The following MEX3D variants were observed in gnomAD, a reference collection of about 807,000 sequenced individuals.
The protein encoded by MEX3D is mex-3 RNA binding family member D.
In MEX3D, 4 loss-of-function variants were observed where a neutral mutation model predicts 6.3. The ratio of observed to expected loss-of-function variants is 0.64; its 90% CI spans 0.31 to 1.46. MEX3D has a LOEUF of 1.46. Among genes scored for constraint, MEX3D ranks in the 40% most tolerant of loss-of-function variants. MEX3D has a pLI of 0.07. For synonymous variants in MEX3D, 626 were observed against 494.1 expected (o/e 1.27, Z -3.54); for missense variants, 1,038 against 994.4 (o/e 1.04, Z -0.59).
Position 1,556,316 on chromosome 19 carries a change from G to A in MEX3D, c.1203C>T (p.Ala401=). 2 of 1,323,020 alleles carry A rather than the reference G, an allele frequency of 1.5e-6. No homozygotes were observed. The highest frequency in any genetic ancestry group is 1.9e-6 in the Non-Finnish European group (2 of 1,041,566). 82.0% of individuals were successfully genotyped at this position (1,323,020 alleles called of 1,614,324 possible). A position where few individuals can be genotyped will look rare whatever the true frequency, so the allele number is the denominator to read the frequency against. ...RGDTALGAPS[A]PEAFYAGSRG... is the part of the protein sequence containing the mutation. ...GGCTGCCCGCGTAGAAGGCCTCGGG[G>A]GCGCTGGGGGCGCCCAGGGCCGTGT... The change falls in exon 2 of 2, where the codon GCC becomes GCT. Residue 401 remains alanine (A), a synonymous_variant. Coordinates refer to ENST00000402693, the MANE Select transcript of MEX3D (RefSeq NM_203304.4). The surrounding 1 kb of genome is among the most constrained non-coding windows in gnomAD (Gnocchi z 7.5).
In MEX3D at chr19:1,567,449, A is replaced by G; in HGVS notation, c.595+15T>C. The G allele has an allele frequency of 6.4e-7, 1 of 1,558,666 alleles. No homozygotes were observed. Among genetic ancestry groups the G allele is most frequent in the South Asian group, 1.2e-5 (1 of 86,718 alleles). On this transcript the variant is annotated intron_variant, in intron 1 of 1. Coordinates refer to ENST00000402693, the MANE Select transcript of MEX3D (RefSeq NM_203304.4). This position sits in a 1 kb window ranked among gnomAD's most constrained non-coding sequence, Gnocchi z 6.5. ...GGGACCCCCAGGACAGCAACCCCCG[A>G]CGAGGGCCACTCACCCTGGCGACCC...
At chr19:1,565,872 G>A (rs1357060082) in intron 1 of MEX3D, among the ~76,000 whole-genome samples, 1 of 152,204 alleles carries the variant, frequency 6.6e-6, no homozygotes, top group African/African-American at 2.4e-5. Flanking sequence ...TCAGCCTGAC[G>A]CTGATTCCTG....
chr19:1,555,695 C>T lies in MEX3D; in HGVS notation c.1824G>A (p.Val608=), dbSNP rs1005278505. 6.4e-7 allele frequency: 1 copy of T among 1,564,066 alleles called. No individual in the cohort carries two copies. The highest frequency in any genetic ancestry group is 8.6e-7 in the Non-Finnish European group (1 of 1,159,618). Residue 608 remains valine, a synonymous_variant, in exon 2 of 2, where the codon GTG becomes GTA. Transcript: ENST00000402693. ...GGCCGCAGGGGACCAGCGCAGCCAT[C>T]ACCTCGCCCTCGGCGCACACCACGC... ...RECVVCAEGE[V]MAALVPCGHN...
rs1914542195 is a variant in MEX3D, at chr19:1,556,133, C to T, written c.1386G>A (p.Leu462=). ...DFGFDFDFLA[L]DLTVPAAATI... is the part of the protein sequence containing the mutation. ...TGGCCGCGGCGGGCACGGTCAGGTCCAGCGCCAGGAAGTCGAAGTCGAAGC... is the reference window on the plus strand; with the variant it reads ...TGGCCGCGGCGGGCACGGTCAGGTCTAGCGCCAGGAAGTCGAAGTCGAAGC... The change falls in exon 2 of 2, where the codon CTG becomes CTA. Residue 462 remains leucine (L), a synonymous_variant. Coordinates refer to ENST00000402693, the MANE Select transcript of MEX3D (RefSeq NM_203304.4). This position sits in a 1 kb window ranked among gnomAD's most constrained non-coding sequence, Gnocchi z 7.5. The T allele has an allele frequency of 1.4e-6, 2 of 1,472,448 alleles. No homozygotes were observed. Among genetic ancestry groups the T allele is most frequent in the East Asian group, 3.0e-5 (1 of 33,136 alleles). 91.2% of individuals were successfully genotyped at this position (1,472,448 alleles called of 1,614,324 possible).
In MEX3D at chr19:1,568,070, G is replaced by C; in HGVS notation, c.-12C>G. On this transcript the variant is annotated 5_prime_UTR_variant, in exon 1 of 2. Coordinates refer to ENST00000402693, the MANE Select transcript of MEX3D (RefSeq NM_203304.4). ...AGCGAGCTGGGCATGGCGGGAGCTA[G>C]CGCTGGGGCCCGCGCTCCTGCCGCC... is the stretch of plus-strand genomic sequence containing the variant. The C allele has an allele frequency of 4.1e-6, 4 of 978,390 alleles. No individual in the cohort carries two copies. Among genetic ancestry groups the C allele is most frequent in the Non-Finnish European group, 4.8e-6 (4 of 827,638 alleles). The allele number at this position is 978,390 out of a possible 1,614,324, so 60.6% of individuals were successfully genotyped here.
rs138530483 is a variant in MEX3D at position 1,560,478 on chromosome 19, C to T, written c.596-3555G>A. Among the ~76,000 whole-genome samples the T allele has an allele frequency of 3.4e-3, 525 of 152,332 alleles. 1 individual carries two copies. The highest frequency in any genetic ancestry group is 6.8e-3 in the Middle Eastern group (2 of 294). ...GGTCCTCCCTTGCTGATCTGGGAGC[C>T]GCCCCGGGTCCCCAGAGGGTCACAC... On this transcript the variant is annotated intron_variant, in intron 1 of 1. Transcript: ENST00000402693.
chr19:1,557,002 G>C (rs1274152468), intron 1 of MEX3D, 79 bp from the exon 2 acceptor site: 53 of 1,478,542 alleles, frequency 3.6e-5, no homozygotes, highest in Non-Finnish European at 4.6e-5. Context: ...GCAGGCTGCA[G>C]GGCCAGTGAG....
In MEX3D at chr19:1,556,486, A is replaced by C; in HGVS notation, c.1033T>G (p.Phe345Val). 6.2e-7 allele frequency: 1 copy of C among 1,603,526 alleles called. No homozygotes were observed. The highest frequency in any genetic ancestry group is 8.5e-7 in the Non-Finnish European group (1 of 1,177,988). ...EAHITLRTGAFTDAGPDSDFH... is the reference protein window; with the variant it reads ...EAHITLRTGAVTDAGPDSDFH... ...TCGCTGTCGGGGCCCGCGTCGGTGA[A>C]GGCGCCAGTGCGCAGCGTGATGTGC... Residue 345 changes from phenylalanine to valine, a missense_variant, in exon 2 of 2, where the codon TTC becomes GTC. Coordinates refer to ENST00000402693, the MANE Select transcript of MEX3D (RefSeq NM_203304.4). The surrounding 1 kb of genome is among the most constrained non-coding windows in gnomAD (Gnocchi z 7.5).
chr19:1,559,413 G>C (rs974305168), intron 1 of MEX3D, among the ~76,000 whole-genome samples: 1 of 152,162 alleles, frequency 6.6e-6, no homozygotes, highest in Non-Finnish European at 1.5e-5. Context: ...GATTACAGGC[G>C]TGAGCCACCA....
Position 1,556,183 on chromosome 19 carries a change from C to A in MEX3D, c.1336G>T (p.Ala446Ser). The stretch of plus-strand genomic sequence containing the variant: ...CCGAAGTCGCAGTCGTCGGGGGCGG[C>A]CGTCCCCACCGGGGCACCGGGACCC... ...AEGPGAPVGTAAPDDCDFGFD... is the reference protein window; with the variant it reads ...AEGPGAPVGTSAPDDCDFGFD... Residue 446 changes from alanine to serine, a missense_variant, in exon 2 of 2, where the codon GCC becomes TCC. Around this residue, in one of 5 missense-constraint regions of MEX3D, gnomAD observed 581 missense variants for 516.2 expected, o/e 1.13. Coordinates refer to ENST00000402693, the MANE Select transcript of MEX3D (RefSeq NM_203304.4). The surrounding 1 kb of genome is among the most constrained non-coding windows in gnomAD (Gnocchi z 7.5). The A allele has an allele frequency of 6.9e-7, 1 of 1,457,568 alleles. No homozygotes were observed. The highest frequency in any genetic ancestry group is 2.2e-5 in the Admixed American group (1 of 45,242). The allele number at this position is 1,457,568 out of a possible 1,614,324, so 90.3% of individuals were successfully genotyped here.
intron 1 of MEX3D, among the ~76,000 whole-genome samples, chr19:1,557,564 T>C (rs1385216578): frequency 9.0e-6 from 1 of 110,824 alleles, no homozygotes; most frequent in Non-Finnish European, 1.9e-5. Context: ...AGACTCCAAC[T>C]AAAAAAAAAA....
intron 1 of MEX3D, among the ~76,000 whole-genome samples, chr19:1,565,851 T>G (rs1235005223): frequency 1.3e-5 from 2 of 152,084 alleles, no homozygotes; most frequent in Non-Finnish European, 2.9e-5. Context: ...AGGCCACAGG[T>G]CTAGAAGCTC....
In MEX3D at chr19:1,567,709, G is replaced by C; in HGVS notation, c.350C>G (p.Pro117Arg). ...PEAGAPPTLAPAVAPGSLPLL... is the reference protein window; with the variant it reads ...PEAGAPPTLARAVAPGSLPLL... Reference sequence around the variant, plus strand: ...CGGCAGCGACCCGGGGGCCACGGCGGGGGCCAGGGTCGGGGGCGCGCCGGC... The same window carrying C: ...CGGCAGCGACCCGGGGGCCACGGCGCGGGCCAGGGTCGGGGGCGCGCCGGC... The change falls in exon 1 of 2, where the codon CCC (proline) becomes CGC (arginine). Residue 117 changes from proline (P) to arginine (R), a missense_variant. This residue lies in a region of MEX3D where 265 missense variants were observed against 206.3 expected (regional missense o/e 1.28). Transcript: ENST00000402693. The surrounding 1 kb of genome is among the most constrained non-coding windows in gnomAD (Gnocchi z 6.5). 1 of 1,052,658 alleles carries C rather than the reference G, an allele frequency of 9.5e-7. No homozygotes were observed. The highest frequency in any genetic ancestry group is 1.2e-6 in the Non-Finnish European group (1 of 865,508). 65.2% of individuals were successfully genotyped at this position (1,052,658 alleles called of 1,614,324 possible).
chr19:1,557,043 A>G (rs1223144125), intron 1 of MEX3D, 120 bp from the exon 2 acceptor site: 1 of 1,226,706 alleles, frequency 8.2e-7, no homozygotes, highest in Non-Finnish European at 1.1e-6. Flanking sequence ...TGTGCCCAAC[A>G]ACACTTTATC....
Position 1,561,169 on chromosome 19 carries a change from C to T in MEX3D, c.596-4246G>A, listed in dbSNP as rs960232282. ...ACGCAGCACACACACCAGCGGGCAT[C>T]ACTCATCCAGCCCGTCCAGGGTCCT... is the stretch of plus-strand genomic sequence containing the variant. On this transcript the variant is annotated intron_variant, in intron 1 of 1. Transcript: ENST00000402693. Among the ~76,000 whole-genome samples, 8 of 152,218 alleles carry T rather than the reference C, an allele frequency of 5.3e-5. No individual in the cohort carries two copies. In the East Asian group the frequency reaches 1.3e-3, roughly 26 times the overall value.
At chr19:1,564,643 C>A (rs952842061) in intron 1 of MEX3D, among the ~76,000 whole-genome samples, 2 of 152,030 alleles carry the variant, frequency 1.3e-5, no homozygotes, top group Non-Finnish European at 2.9e-5. Flanking sequence ...AGCACTCGGA[C>A]CCCCTCTAGG....
At chr19:1,562,767 C>A (rs1481139112) in intron 1 of MEX3D, among the ~76,000 whole-genome samples, 1 of 152,130 alleles carries the variant, frequency 6.6e-6, no homozygotes, top group Non-Finnish European at 1.5e-5. Context: ...GTAATCCCAG[C>A]ACTTTGGGAG....
At position 1,568,137 on chromosome 19, in the gene MEX3D, G is replaced by A; in HGVS notation, c.-79C>T. On this transcript the variant is annotated 5_prime_UTR_variant, in exon 1 of 2. Transcript: ENST00000402693. ...CCCGCGCCGCCCTCCGCCTCTGCGA[G>A]CTGGGCCGCCGGCCGCCTGCATCCA... 2 of 976,180 alleles carry A rather than the reference G, an allele frequency of 2.0e-6. No individual in the cohort carries two copies. The highest frequency in any genetic ancestry group is 2.4e-6 in the Non-Finnish European group (2 of 825,778). The allele number at this position is 976,180 out of a possible 1,614,324, so 60.5% of individuals were successfully genotyped here. A position where few individuals can be genotyped will look rare whatever the true frequency, so the allele number is the denominator to read the frequency against.
At chr19:1,564,447 C>T (rs1914790617) in intron 1 of MEX3D, among the ~76,000 whole-genome samples, 2 of 150,602 alleles carry the variant, frequency 1.3e-5, no homozygotes, top group African/African-American at 2.4e-5. Flanking sequence ...GCAGGAGGAT[C>T]GCTTGAACCT....
Sources: allele counts gnomAD v4.1 joint callset (sites outside exome capture counted in the v4.1 genomes callset), GRCh38; gene constraint gnomAD v4.1.1; regional missense constraint gnomAD v4.1.1; non-coding constraint Gnocchi (gnomAD v3.1); transcripts MANE v1.5; gene names NCBI Gene and HGNC (gene_info 2026-07-23, HGNC 2026-07-21).